Variants in ABCA8 observed in about 807,000 individuals in gnomAD.
ABCA8 encodes ABC-type organic anion transporter ABCA8.
Under a neutral mutation model 192.3 loss-of-function variants are expected in ABCA8, and 177 were observed. The observed-to-expected ratio is 0.92, with a 90% CI of 0.81 to 1.04. The LOEUF is 1.04. Among genes scored for constraint, ABCA8 ranks in the 50% least tolerant of loss-of-function variants. The pLI is 0.00. For missense variants in ABCA8, 1,915 were observed against 1,904.8 expected, an observed-to-expected ratio of 1.01 and a Z score of -0.10; for synonymous variants, 642 against 690.2, an observed-to-expected ratio of 0.93 and a Z score of 1.09.
At chr17:68,925,676 C>T (rs1020450508) in intron 10 of ABCA8, among the ~76,000 whole-genome samples, 4 of 152,196 alleles carry the variant, frequency 2.6e-5, no homozygotes, top group Non-Finnish European at 4.4e-5. Flanking sequence ...ATGTCTTACA[C>T]TCTCTGTATA....
intron 17 of ABCA8, among the ~76,000 whole-genome samples, 174 bp downstream of exon 17, chr17:68,917,187 A>C (rs532759755): frequency 1.3e-3 from 191 of 152,244 alleles, no homozygotes; most frequent in African/African-American, 4.5e-3. Context: ...AGGAGAATGG[A>C]GTGAACCCAG....
chr17:68,942,589 T>A (rs1381584524), intron 2 of ABCA8, among the ~76,000 whole-genome samples: 1 of 152,122 alleles, frequency 6.6e-6, no homozygotes, highest in East Asian at 1.9e-4. Context: ...GATAGCTACA[T>A]CCCTTTCCTC....
At chr17:68,880,836 G>A (rs1403614669) in intron 32 of ABCA8, 2 of 428,156 alleles carry the variant, frequency 4.7e-6, no homozygotes, top group Non-Finnish European at 4.3e-6. Context: ...GCTGAGCTGA[G>A]TGGACAGAAT....
chr17:68,888,382 T>TC (rs2066544750), intron 24 of ABCA8, among the ~76,000 whole-genome samples: 1 of 152,152 alleles, frequency 6.6e-6, no homozygotes, highest in Non-Finnish European at 1.5e-5. Context: ...TTTTTTTCTT[T>TC]TAAAAAATAC....
At chr17:68,944,359 TACACATATAC>T (rs2068334006) in intron 2 of ABCA8, among the ~76,000 whole-genome samples, 1 of 69,460 alleles carries the variant, frequency 1.4e-5, no homozygotes, top group Non-Finnish European at 2.9e-5. Context: ...TATATATATA[TACACATATAC>T]ATACATATGC....
intron 33 of ABCA8, 112 bp downstream of exon 33, chr17:68,877,407 G>T (rs4148009): frequency 1.0e-6 from 1 of 958,490 alleles, no homozygotes; most frequent in Admixed American, 2.6e-5. Context: ...TACCCAGTGT[G>T]ACCTGGGTCA....
intron 37 of ABCA8, among the ~76,000 whole-genome samples, chr17:68,872,433 G>C (rs6501832): frequency 0.4 from 45,321 of 112,936 alleles, 9,406 homozygotes; most frequent in East Asian, 0.56. Flanking sequence ...GTTGTGGGGT[G>C]GGGGGAGGGG....
At position 68,924,688 on chromosome 17, in the gene ABCA8, G is replaced by A; in HGVS notation, c.1442+13C>T. On this transcript the variant is annotated intron_variant, in intron 11 of 39. Transcript: ENST00000586539. ...TGCCTTTTTGCCCTGTTCTCCACCTGCAGCCTTATTACCTGATGGCTTCTT... is the reference window on the plus strand; with the variant it reads ...TGCCTTTTTGCCCTGTTCTCCACCTACAGCCTTATTACCTGATGGCTTCTT... 6.2e-7 allele frequency: 1 copy of A among 1,608,912 alleles called. No homozygotes were observed. The highest frequency in any genetic ancestry group is 1.3e-5 in the African/African-American group (1 of 74,536).
At chr17:68,870,435 G>A (rs976576390) in intron 37 of ABCA8, among the ~76,000 whole-genome samples, 2 of 152,218 alleles carry the variant, frequency 1.3e-5, no homozygotes, top group Non-Finnish European at 2.9e-5. Context: ...GGACAAAAGA[G>A]AGTATAATGA....
chr17:68,887,885 T>TAC (rs1306350949), intron 24 of ABCA8, among the ~76,000 whole-genome samples: 4 of 40,832 alleles, frequency 9.8e-5, no homozygotes, highest in African/African-American at 7.5e-4. Context: ...CTCCTCCATA[T>TAC]ATATATATAT....
chr17:68,949,706 C>T (rs1365203345), intron 1 of ABCA8, among the ~76,000 whole-genome samples: 1 of 152,160 alleles, frequency 6.6e-6, no homozygotes, highest in Non-Finnish European at 1.5e-5. Flanking sequence ...ATGATTATCT[C>T]AATAGATGCA....
Position 68,905,777 on chromosome 17 carries a change from TA to T in ABCA8, c.2398+266del, listed in dbSNP as rs1268705761. ...GTTTTAGATCTGTGGGTTCATGTTT[TA>T]TATTAATTTATGATTTAGAATAAAT... On this transcript the variant is annotated intron_variant, in intron 19 of 39. Transcript: ENST00000586539. Among the ~76,000 whole-genome samples the T allele has an allele frequency of 2.0e-5, 3 of 152,212 alleles. No homozygotes were observed. In the East Asian group the frequency reaches 5.8e-4, roughly 29 times the overall value.
chr17:68,932,234 T>C (rs1006058813), intron 7 of ABCA8, 54 bp downstream of exon 7: 31 of 1,379,666 alleles, frequency 2.2e-5, no homozygotes, highest in Non-Finnish European at 2.7e-5. Flanking sequence ...GCATTGAAGA[T>C]TCCCAGTTTT....
intron 21 of ABCA8, among the ~76,000 whole-genome samples, chr17:68,902,470 A>T (rs2066939799): frequency 6.6e-6 from 1 of 152,224 alleles, no homozygotes; most frequent in Non-Finnish European, 1.5e-5. Flanking sequence ...TGAACCTGTT[A>T]AAAATGCTAT....
At chr17:68,916,873 T>G (rs1442120398) in intron 17 of ABCA8, among the ~76,000 whole-genome samples, 1 of 152,228 alleles carries the variant, frequency 6.6e-6, no homozygotes, top group Non-Finnish European at 1.5e-5. Context: ...TGTTGTTATA[T>G]TCTCAATATC....
rs143577608 is a variant in ABCA8, at chr17:68,868,183, C to T, written c.4768G>A (p.Val1590Ile). The T allele has an allele frequency of 3.7e-4, 604 of 1,612,700 alleles. 4 individuals are homozygous for T. In the South Asian group the frequency reaches 4.3e-3, roughly 11 times the overall value. Residue 1590 changes from valine (V) to isoleucine (I), a missense_variant and splice_region_variant, in exon 40 of 40, where the codon GTT becomes ATT. Coordinates refer to ENST00000586539, the MANE Select transcript of ABCA8 (RefSeq NM_001288985.2). ...TGCTCCTTGGAGAGCTCCAGGAAAA[C>T]CTGAAAGGGAGGAAGGAAATAAAGA... ...YSLSQSTLEQ[V>I]FLELSKEQEL... is the part of the protein sequence containing the mutation.
In ABCA8 at chr17:68,876,489, C is replaced by G. The variant is rs758230288; in HGVS notation, c.4341G>C (p.Gly1447=). The change falls in exon 35 of 40, where the codon GGG becomes GGC. Residue 1447 remains glycine, a synonymous_variant. Coordinates refer to ENST00000586539, the MANE Select transcript of ABCA8 (RefSeq NM_001288985.2). ...TTTGCTGCTGCCCCTCGGGGTCCAT[C>G]CCGGTCGACGGCTCATCCAGAAGCA... ...SVVLLDEPST[G]MDPEGQQQMW... 6.2e-7 allele frequency: 1 copy of G among 1,614,026 alleles called. No individual in the cohort carries two copies. The highest frequency in any genetic ancestry group is 8.5e-7 in the Non-Finnish European group (1 of 1,179,928).
At chr17:68,898,902 A>G (rs1212301199) in intron 21 of ABCA8, among the ~76,000 whole-genome samples, 1 of 152,114 alleles carries the variant, frequency 6.6e-6, no homozygotes, top group Non-Finnish European at 1.5e-5. Context: ...TTAAACCAGC[A>G]ATACATTGGT....
At chr17:68,887,614 T>A in intron 24 of ABCA8, 108 bp from the exon 25 acceptor site, 1 of 966,484 alleles carries the variant, frequency 1.0e-6, no homozygotes, top group Non-Finnish European at 1.5e-6. Context: ...AGATTATGTC[T>A]ACAAATGTAA....
Sources: gnomAD v4.1 joint callset for allele counts (sites outside exome capture counted in the v4.1 genomes callset) on GRCh38, gnomAD v4.1.1 for gene constraint, MANE v1.5 for transcripts, NCBI Gene and HGNC (gene_info 2026-07-23, HGNC 2026-07-21) for gene names.